LMF1: variants seen among roughly 807,000 people sequenced by gnomAD.
LMF1 encodes transmembrane protein 112.
Under a neutral mutation model 60.6 loss-of-function variants are expected in LMF1, and 68 were observed. The observed-to-expected ratio is 1.12, with a 90% CI of 0.92 to 1.37. LMF1 has a LOEUF of 1.37. Among genes scored for constraint, LMF1 ranks in the 40% most tolerant of loss-of-function variants. The pLI is 0.00. For synonymous variants in LMF1, 418 were observed against 324.7 expected, an observed-to-expected ratio of 1.29 and a Z score of -3.09; for missense variants, 948 against 767.2, an observed-to-expected ratio of 1.24 and a Z score of -2.78.
Position 890,990 on chromosome 16 carries a change from G to T in LMF1, c.729+2017C>A, listed in dbSNP as rs73497253. On this transcript the variant is annotated intron_variant, in intron 5 of 10. Transcript: ENST00000262301. ...CTCGGGCCATGTCTGAACTGGTGTT[G>T]ACGGCTGACACAGAGCACTCCTCAC... Among the ~76,000 whole-genome samples, 1,106 of 152,354 alleles carry T rather than the reference G, an allele frequency of 7.3e-3. 17 individuals carry two copies. The highest frequency in any genetic ancestry group is 0.025 in the African/African-American group (1,056 of 41,570).
chr16:885,750 C>T (rs556296480), intron 5 of LMF1, among the ~76,000 whole-genome samples: 1 of 152,300 alleles, frequency 6.6e-6, no homozygotes, highest in South Asian at 2.1e-4. Context: ...GAAATGTAAG[C>T]AGACATAGAG....
intron 10 of LMF1, among the ~76,000 whole-genome samples, chr16:856,842 C>T (rs552658488): frequency 1.3e-5 from 2 of 152,182 alleles, no homozygotes; most frequent in African/African-American, 4.8e-5. Context: ...TTGAAATAGA[C>T]CCTACTGGCA....
rs963140168 is a variant in LMF1 at position 870,642 on chromosome 16, G to A, written c.1232+87C>T. The A allele has an allele frequency of 8.0e-5, 118 of 1,483,214 alleles. 1 individual carries two copies. The highest frequency in any genetic ancestry group is 1.4e-4 in the South Asian group (12 of 87,160). 91.9% of individuals were successfully genotyped at this position (1,483,214 alleles called of 1,614,324 possible). A position where few individuals can be genotyped will look rare whatever the true frequency, so the allele number is the denominator to read the frequency against. ...GGGACACTTGGGGTCATGGGGGCCT[G>A]CACTGTAACCCCACCTGAATGTGGC... On this transcript the variant is annotated intron_variant, in intron 8 of 10. Transcript: ENST00000262301.
chr16:889,047 G>A (rs1050112651), intron 5 of LMF1, among the ~76,000 whole-genome samples: 4 of 152,198 alleles, frequency 2.6e-5, no homozygotes, highest in African/African-American at 9.7e-5. Flanking sequence ...GTGTCTCATG[G>A]GAGCGGGCCC....
intron 5 of LMF1, among the ~76,000 whole-genome samples, chr16:891,258 G>A (rs1388392611): frequency 2.0e-5 from 3 of 152,208 alleles, no homozygotes; most frequent in South Asian, 2.1e-4. Flanking sequence ...CCACACCCTG[G>A]TGGTCCTGGC....
intron 10 of LMF1, chr16:855,584 C>A: frequency 2.6e-6 from 1 of 390,950 alleles, no homozygotes; most frequent in Non-Finnish European, 5.1e-6. Context: ...CACAAGCTCC[C>A]GGCCCTCCAG....
At chr16:913,771 A>G (rs901812874) in intron 3 of LMF1, among the ~76,000 whole-genome samples, 2 of 152,224 alleles carry the variant, frequency 1.3e-5, no homozygotes, top group Admixed American at 1.3e-4. Flanking sequence ...GAGACAGTTT[A>G]GGGTTTGAAG....
chr16:855,703 A>G (rs1299142513), intron 10 of LMF1: 1 of 455,902 alleles, frequency 2.2e-6, no homozygotes, highest in Admixed American at 2.3e-5. Flanking sequence ...GGTGGGTGTG[A>G]TGGTGCAGCC....
chr16:916,257 C>T (rs1372097219), intron 3 of LMF1, among the ~76,000 whole-genome samples: 1 of 152,142 alleles, frequency 6.6e-6, no homozygotes, highest in Non-Finnish European at 1.5e-5. Flanking sequence ...TCAAAAATGA[C>T]AGCCACCATC....
At position 970,958 on chromosome 16, in the gene LMF1, A is replaced by C; in HGVS notation, c.23T>G (p.Met8Arg). 6.5e-7 allele frequency: 1 copy of C among 1,531,572 alleles called. No individual in the cohort carries two copies. Among genetic ancestry groups the C allele is most frequent in the Non-Finnish European group, 8.8e-7 (1 of 1,134,056 alleles). The allele number at this position is 1,531,572 out of a possible 1,614,324, so 94.9% of individuals were successfully genotyped here. Residue 8 changes from methionine to arginine, a missense_variant, in exon 1 of 11, where the codon ATG (methionine) becomes AGG (arginine). Transcript: ENST00000262301. ...CCTCAGCGACTCCGCGGGCGCCGCC[A>C]TTGTTGGGCTGTCAGGGCGCATGTG... MRPDSPT[M>R]AAPAESLRRR...
rs781376194 is a variant in LMF1, at chr16:854,675, A to C, written c.1561T>G (p.Phe521Val). ...GCGTGCCTGCCCCCAGGACGGCTGA[A>C]CTTGTACCTGTAGTGCTCTCCTCGG... ...WVRGEHYRYK[F>V]SRPGGRHAAE... Residue 521 changes from phenylalanine to valine, a missense_variant, in exon 11 of 11, where the codon TTC (phenylalanine) becomes GTC (valine). Coordinates refer to ENST00000262301, the MANE Select transcript of LMF1 (RefSeq NM_022773.4). The C allele has an allele frequency of 7.5e-6, 12 of 1,602,714 alleles. 1 individual carries two copies. In the South Asian group the frequency reaches 1.3e-4, roughly 18 times the overall value.
intron 3 of LMF1, among the ~76,000 whole-genome samples, chr16:923,096 G>T (rs546993003): frequency 2.8e-5 from 4 of 142,310 alleles, no homozygotes; most frequent in African/African-American, 1.0e-4. Flanking sequence ...CGAAGGCCCT[G>T]TGTGAAAGTC....
intron 2 of LMF1, among the ~76,000 whole-genome samples, chr16:937,347 A>C (rs2071975157): frequency 6.6e-6 from 1 of 152,242 alleles, no homozygotes; most frequent in Admixed American, 6.5e-5. Flanking sequence ...AAAGAAACTC[A>C]AGTCCTTTCC....
chr16:888,238 C>T (rs1289795228), intron 5 of LMF1, among the ~76,000 whole-genome samples: 2 of 152,190 alleles, frequency 1.3e-5, no homozygotes, highest in Non-Finnish European at 2.9e-5. Context: ...CAGGCCCTGG[C>T]AGGGGCTGCC....
At chr16:952,174 T>C (rs1262300776) in intron 2 of LMF1, among the ~76,000 whole-genome samples, 1 of 152,042 alleles carries the variant, frequency 6.6e-6, no homozygotes, top group Non-Finnish European at 1.5e-5. Context: ...TTGAATGAGG[T>C]GACACACTCA....
chr16:981,341 A>AGAGT (rs2073364984), upstream of LMF1: 1 of 274,982 alleles, frequency 3.6e-6, no homozygotes, highest in Non-Finnish European at 7.2e-6. Context: ...AGAGAGAGAG[A>AGAGT]GAGAGAGTGT....
intron 2 of LMF1, among the ~76,000 whole-genome samples, chr16:946,503 G>C (rs1293198925): frequency 6.6e-6 from 1 of 152,232 alleles, no homozygotes; most frequent in East Asian, 1.9e-4. Flanking sequence ...TGTCCGCTAA[G>C]GCAACTGATC....
At chr16:974,327 G>A (rs930470655), upstream of LMF1, among the ~76,000 whole-genome samples, 2 of 152,142 alleles carry the variant, frequency 1.3e-5, no homozygotes, top group African/African-American at 4.8e-5. Flanking sequence ...CCACAGGCAC[G>A]TGGGCCCTGC....
chr16:879,796 A>T lies in LMF1; in HGVS notation c.730-59T>A, dbSNP rs1038661998. 30 of 1,508,230 alleles carry T rather than the reference A, an allele frequency of 2.0e-5. No individual in the cohort carries two copies. The South Asian group carries it at 3.5e-4, about 18-fold the overall frequency. The allele number at this position is 1,508,230 out of a possible 1,614,324, so 93.4% of individuals were successfully genotyped here. A position where few individuals can be genotyped will look rare whatever the true frequency, so the allele number is the denominator to read the frequency against. ...CCGATCTCGGGGGGCGGGGCTAGGG[A>T]GAGGCTTGTGGGTCCCTGGCCCCCT... On this transcript the variant is annotated intron_variant, in intron 5 of 10. Coordinates refer to ENST00000262301, the MANE Select transcript of LMF1 (RefSeq NM_022773.4).
Sources: allele counts gnomAD v4.1 joint callset (sites outside exome capture counted in the v4.1 genomes callset), GRCh38; gene constraint gnomAD v4.1.1; transcripts MANE v1.5; gene names NCBI Gene and HGNC (gene_info 2026-07-23, HGNC 2026-07-21).